Variants in GRIN2B observed in about 807,000 individuals in gnomAD.
GRIN2B encodes the protein glutamate ionotropic receptor NMDA type subunit 2B, also known as glutamate receptor ionotropic, NMDA 2B.
GRIN2B carries 5 observed loss-of-function variants against 114.5 expected under a neutral mutation model. The ratio of observed to expected loss-of-function variants is 0.04; its 90% confidence interval spans 0.02 to 0.09. The LOEUF is 0.09. Ranked by LOEUF, GRIN2B falls within the 10% of genes least tolerant of loss-of-function variation. The probability of loss-of-function intolerance (pLI) is 1.00; values close to 1 mark genes in which losing one functional copy is unlikely to be tolerated. For missense variants in GRIN2B, 1,108 were observed against 1,943.5 expected (o/e 0.57, Z 8.08); for synonymous variants, 787 against 745.1 (o/e 1.06, Z -0.92).
intron 2 of GRIN2B, among the ~76,000 whole-genome samples, chr12:13,972,355 C>T (rs137984596): frequency 9.9e-5 from 15 of 152,232 alleles, no homozygotes; most frequent in South Asian, 6.2e-4. Context: ...CCAGAGTCAA[C>T]GGTTTGTACA....
rs563336188 is a variant in GRIN2B, at chr12:13,552,572, C to T, written c.*10211G>A. On this transcript the variant is annotated 3_prime_UTR_variant, in exon 14 of 14. Coordinates refer to ENST00000609686, the MANE Select transcript of GRIN2B (RefSeq NM_000834.5). ...CTAGAATTTTGGTCCATTTATTGGC[C>T]CAAATGAGATTCATGAACGTCCTTC... is the stretch of plus-strand genomic sequence containing the variant. 1 of 152,040 alleles carries T rather than the reference C, an allele frequency of 6.6e-6. No individual in the cohort carries two copies. Among genetic ancestry groups the T allele is most frequent in the Non-Finnish European group, 1.5e-5 (1 of 67,976 alleles). 9.4% of individuals were successfully genotyped at this position (152,040 alleles called of 1,614,324 possible). A position where few individuals can be genotyped will look rare whatever the true frequency, so the allele number is the denominator to read the frequency against.
At chr12:13,665,933 T>A (rs1291912357) in intron 5 of GRIN2B, among the ~76,000 whole-genome samples, 1 of 152,202 alleles carries the variant, frequency 6.6e-6, no homozygotes, top group Non-Finnish European at 1.5e-5. Flanking sequence ...GGGAATATTC[T>A]GTTCCTTTGC....
At chr12:13,862,205 A>G (rs977972336) in intron 3 of GRIN2B, among the ~76,000 whole-genome samples, 1 of 152,344 alleles carries the variant, frequency 6.6e-6, no homozygotes. Flanking sequence ...ATTAATTAGC[A>G]TATGCAAAAA....
chr12:13,612,669 T>A (rs986173828), intron 8 of GRIN2B, among the ~76,000 whole-genome samples: 59 of 152,214 alleles, frequency 3.9e-4, no homozygotes, highest in African/African-American at 1.4e-3. Context: ...TCTTTAATCA[T>A]GTGTGCTGAA....
chr12:13,891,000 C>T (rs1376391933), intron 2 of GRIN2B, among the ~76,000 whole-genome samples: 2 of 152,162 alleles, frequency 1.3e-5, no homozygotes, highest in Non-Finnish European at 2.9e-5. Context: ...GCCAAGCCAG[C>T]CAATCTCCGC....
chr12:13,883,575 G>A (rs1176314572), intron 2 of GRIN2B, among the ~76,000 whole-genome samples: 1 of 151,914 alleles, frequency 6.6e-6, no homozygotes, highest in African/African-American at 2.4e-5. Context: ...TTTTTTCAAT[G>A]TTTATTTACC....
chr12:13,917,664 A>G (rs1482972512), intron 2 of GRIN2B, among the ~76,000 whole-genome samples: 1 of 151,484 alleles, frequency 6.6e-6, no homozygotes, highest in Non-Finnish European at 1.5e-5. Context: ...TTTAAGGAGT[A>G]CACTTACCCC....
chr12:13,922,923 T>C (rs953645937), intron 2 of GRIN2B, among the ~76,000 whole-genome samples: 6 of 152,254 alleles, frequency 3.9e-5, no homozygotes, highest in African/African-American at 1.4e-4. Context: ...TTAAGCACAA[T>C]ATCACAAAGA....
chr12:13,812,930 A>ATTTTTTTT (rs34773248), intron 3 of GRIN2B, among the ~76,000 whole-genome samples: 1 of 118,392 alleles, frequency 8.4e-6, no homozygotes. Flanking sequence ...AGTTTTGGGA[A>ATTTTTTTT]TTTTTTTTTT....
At chr12:13,829,002 G>C (rs12310355) in intron 3 of GRIN2B, among the ~76,000 whole-genome samples, 33,616 of 151,844 alleles carry the variant, frequency 0.22, 3,982 homozygotes, top group Non-Finnish European at 0.24. Flanking sequence ...ACATTTGCTT[G>C]CTTTCTGCTC....
chr12:13,886,760 T>C (rs1293120988), intron 2 of GRIN2B, among the ~76,000 whole-genome samples: 2 of 152,124 alleles, frequency 1.3e-5, no homozygotes, highest in African/African-American at 2.4e-5. Context: ...GCAAGCCAGC[T>C]CCGGGGGTAT....
intron 3 of GRIN2B, among the ~76,000 whole-genome samples, chr12:13,826,494 C>T (rs754701153): frequency 1.3e-5 from 2 of 152,026 alleles, no homozygotes; most frequent in Non-Finnish European, 2.9e-5. Context: ...TAATATTTTG[C>T]CACTAAATAG....
intron 2 of GRIN2B, among the ~76,000 whole-genome samples, chr12:13,879,949 C>A (rs1484241064): frequency 6.6e-6 from 1 of 152,230 alleles, no homozygotes; most frequent in Non-Finnish European, 1.5e-5. Flanking sequence ...CAGCTTCTAT[C>A]CCTCTGTCCT....
At chr12:13,938,257 C>G (rs1235001855) in intron 2 of GRIN2B, among the ~76,000 whole-genome samples, 2 of 151,898 alleles carry the variant, frequency 1.3e-5, no homozygotes, top group Non-Finnish European at 2.9e-5. Flanking sequence ...TATACCAACT[C>G]TCCACTTAAA....
chr12:13,861,137 T>C (rs1048987743), intron 3 of GRIN2B, among the ~76,000 whole-genome samples: 5 of 152,212 alleles, frequency 3.3e-5, no homozygotes, highest in African/African-American at 1.2e-4. Context: ...ACTAATGTGT[T>C]TGTCCACATT....
At chr12:13,712,225 G>A (rs1468379570) in intron 4 of GRIN2B, among the ~76,000 whole-genome samples, 1 of 113,248 alleles carries the variant, frequency 8.8e-6, no homozygotes, top group Non-Finnish European at 1.7e-5. Flanking sequence ...ACCGGGGCCT[G>A]TTGTAGGGTG....
intron 3 of GRIN2B, among the ~76,000 whole-genome samples, chr12:13,824,638 A>C (rs1482509822): frequency 6.6e-6 from 1 of 152,072 alleles, no homozygotes; most frequent in Non-Finnish European, 1.5e-5. Flanking sequence ...GCGGATCACA[A>C]GGTCAGGAGT....
rs562226353 is a variant in GRIN2B, at chr12:13,953,624, A to G, written c.-19+26304T>C. 5.3e-5 allele frequency among the ~76,000 whole-genome samples: 8 copies of G among 152,230 alleles called. No homozygotes were observed. In the East Asian group the frequency reaches 1.2e-3, roughly 22 times the overall value. ...GGTGCTGGAGAGAGGAGAAGCTACA[A>G]TATATCTCCCCCTTTCTCTCTGCTT... On this transcript the variant is annotated intron_variant, in intron 2 of 13. Transcript: ENST00000609686.
At chr12:13,688,823 T>A (rs2300246) in intron 4 of GRIN2B, among the ~76,000 whole-genome samples, 114,198 of 152,054 alleles carry the variant, frequency 0.75, 43,731 homozygotes, top group Middle Eastern at 0.87. Flanking sequence ...CAACTCTCAA[T>A]TGCCCTCAAT....
Sources: allele counts gnomAD v4.1 joint callset (sites outside exome capture counted in the v4.1 genomes callset), GRCh38; gene constraint gnomAD v4.1.1; transcripts MANE v1.5; gene names NCBI Gene and HGNC (gene_info 2026-07-23, HGNC 2026-07-21).